Variants in LRIG1 observed in about 807,000 individuals in gnomAD.
The protein encoded by LRIG1 is leucine-rich repeats and immunoglobulin-like domains protein 1.
A neutral mutation model predicts 99.2 loss-of-function variants in LRIG1; 48 were observed. The ratio of observed to expected loss-of-function variants is 0.48; its 90% confidence interval spans 0.38 to 0.62. LRIG1 has a LOEUF of 0.62. Among genes scored for constraint, LRIG1 ranks in the 20% least tolerant of loss-of-function variants. LRIG1 has a pLI of 0.00. For missense variants in LRIG1, 1,646 were observed against 1,434.4 expected (o/e 1.15, Z -2.38); for synonymous variants, 772 against 596.1 (o/e 1.29, Z -4.30).
intron 3 of LRIG1, among the ~76,000 whole-genome samples, chr3:66,420,764 G>T (rs1009246787): frequency 3.0e-4 from 46 of 152,338 alleles, no homozygotes; most frequent in African/African-American, 1.1e-3. Flanking sequence ...AAAGTAGAAT[G>T]GTGGTGTCCA....
At chr3:66,461,413 A>C (rs1316038729) in intron 2 of LRIG1, among the ~76,000 whole-genome samples, 1 of 152,242 alleles carries the variant, frequency 6.6e-6, no homozygotes, top group Non-Finnish European at 1.5e-5. Context: ...AATAATAATG[A>C]AGTACTGGGT....
rs1195349889 is a variant in LRIG1 at position 66,379,080 on chromosome 3, G to GTAAC, written c.*1179_*1182dup. 1.3e-5 allele frequency: 2 copies of GTAAC among 152,610 alleles called. No individual in the cohort carries two copies. The highest frequency in any genetic ancestry group is 1.9e-4 in the East Asian group (1 of 5,186). 9.5% of individuals were successfully genotyped at this position (152,610 alleles called of 1,614,324 possible). On this transcript the variant is annotated 3_prime_UTR_variant, in exon 19 of 19. Transcript: ENST00000273261. ...ACAGTAATTGTTAACTATTTTCTCA[G>GTAAC]TAACTCCCTTCAGCTTTTGGCCAAA... is the stretch of plus-strand genomic sequence containing the variant.
At chr3:66,467,480 C>T (rs537420549) in intron 1 of LRIG1, among the ~76,000 whole-genome samples, 14 of 152,010 alleles carry the variant, frequency 9.2e-5, no homozygotes, top group African/African-American at 2.9e-4. Flanking sequence ...CTGCCTCAGC[C>T]TCCCCAGTAG....
intron 12 of LRIG1, among the ~76,000 whole-genome samples, 188 bp downstream of exon 12, chr3:66,393,852 C>T (rs1701721326): frequency 6.6e-6 from 1 of 152,208 alleles, no homozygotes; most frequent in African/African-American, 2.4e-5. Flanking sequence ...CCAAGAACCA[C>T]ATAATGAGGC....
At position 66,400,296 on chromosome 3, in the gene LRIG1, A is replaced by G. The variant is rs1198234193; in HGVS notation, c.1161-1255T>C. Among the ~76,000 whole-genome samples, 5 of 152,214 alleles carry G rather than the reference A, an allele frequency of 3.3e-5. No homozygotes were observed. The East Asian group carries it at 9.6e-4, about 29-fold the overall frequency. On this transcript the variant is annotated intron_variant, in intron 9 of 18. Coordinates refer to ENST00000273261, the MANE Select transcript of LRIG1 (RefSeq NM_015541.3). ...AGGGTGGACACTGGGAATGAAGAGA[A>G]TCGAGTTTTCCCCTCCCCGTTATCA...
chr3:66,384,070 T>C lies in LRIG1; in HGVS notation c.1992A>G (p.Ile664Met). ...TACAGCTGTAAACCCCTGCGTCATC[T>C]ATTTTCACATCAGTGATGAAAAACA... The part of the protein sequence containing the change: ...DDVFFITDVK[I>M]DDAGVYSCTA... The change falls in exon 14 of 19, where the codon ATA becomes ATG. Residue 664 changes from isoleucine (I) to methionine (M), a missense_variant. Physicochemically the swap from Ile to Met is conservative, Grantham distance 10. Coordinates refer to ENST00000273261, the MANE Select transcript of LRIG1 (RefSeq NM_015541.3). 1 of 1,614,170 alleles carries C rather than the reference T, an allele frequency of 6.2e-7. No individual in the cohort carries two copies. The highest frequency in any genetic ancestry group is 8.5e-7 in the Non-Finnish European group (1 of 1,180,046).
rs756867009 is a variant in LRIG1 at position 66,380,570 on chromosome 3, A to AAGTT, written c.3055+3_3055+6dup. The AAGTT allele has an allele frequency of 4.3e-6, 7 of 1,613,234 alleles. No individual in the cohort carries two copies. The highest frequency in any genetic ancestry group is 1.3e-5 in the African/African-American group (1 of 74,886). On this transcript the variant is annotated splice_region_variant and intron_variant, in intron 18 of 18. Coordinates refer to ENST00000273261, the MANE Select transcript of LRIG1 (RefSeq NM_015541.3). The stretch of plus-strand genomic sequence containing the variant: ...AACCCACCTGTTAGAAGACAGTCAA[A>AAGTT]AGTTACCTTTCCCATCTAGAGATGC...
intron 11 of LRIG1, among the ~76,000 whole-genome samples, chr3:66,395,850 A>C (rs9832741): frequency 0.044 from 6,659 of 152,336 alleles, 493 homozygotes; most frequent in African/African-American, 0.15. Flanking sequence ...CGCTGTCAGA[A>C]GCACCTCCAG....
chr3:66,475,128 G>A (rs535671848), intron 1 of LRIG1, among the ~76,000 whole-genome samples: 1 of 152,174 alleles, frequency 6.6e-6, no homozygotes, highest in African/African-American at 2.4e-5. Context: ...AAAACAGCTA[G>A]GACTTAGCCT....
intron 16 of LRIG1, 101 bp from the exon 17 acceptor site, chr3:66,381,732 T>TAAAA: frequency 1.5e-6 from 2 of 1,345,942 alleles, no homozygotes; most frequent in Non-Finnish European, 2.0e-6. Flanking sequence ...TCATTTTTTT[T>TAAAA]AAAAAGTTCT....
intron 3 of LRIG1, among the ~76,000 whole-genome samples, chr3:66,435,406 A>T (rs61585618): frequency 0.049 from 7,463 of 152,086 alleles, 525 homozygotes; most frequent in African/African-American, 0.16. Context: ...TAAAAACAAA[A>T]AACAAAAAAC....
intron 1 of LRIG1, chr3:66,498,015 T>C (rs748961147): frequency 1.3e-5 from 2 of 152,208 alleles, no homozygotes; most frequent in African/African-American, 2.4e-5. Flanking sequence ...ATGATTTAAA[T>C]TCAGAAGTCT....
Position 66,380,192 on chromosome 3 carries a change from G to C in LRIG1, c.*71C>G. The C allele has an allele frequency of 7.6e-7, 1 of 1,316,220 alleles. No homozygotes were observed. 81.5% of individuals were successfully genotyped at this position (1,316,220 alleles called of 1,614,324 possible). A position where few individuals can be genotyped will look rare whatever the true frequency, so the allele number is the denominator to read the frequency against. Reference sequence around the variant, plus strand: ...ACAGATGAGTGACGCTTGAACCCAAGCTTCCTCGCAGCCTCTCCTACCTCT... The same window carrying C: ...ACAGATGAGTGACGCTTGAACCCAACCTTCCTCGCAGCCTCTCCTACCTCT... On this transcript the variant is annotated 3_prime_UTR_variant, in exon 19 of 19. Coordinates refer to ENST00000273261, the MANE Select transcript of LRIG1 (RefSeq NM_015541.3).
intron 1 of LRIG1, among the ~76,000 whole-genome samples, chr3:66,471,709 A>G (rs1462708959): frequency 1.3e-5 from 2 of 152,232 alleles, no homozygotes; most frequent in East Asian, 1.9e-4. Flanking sequence ...TTGCTTCTGG[A>G]GTACTGAAAA....
At chr3:66,416,087 A>G (rs1004864241) in intron 4 of LRIG1, among the ~76,000 whole-genome samples, 21 of 152,176 alleles carry the variant, frequency 1.4e-4, no homozygotes, top group Non-Finnish European at 2.4e-4. Context: ...TATATCACCC[A>G]ATAGCTGCCA....
Position 66,384,007 on chromosome 3 carries a change from G to T in LRIG1, c.2055C>A (p.Ala685=). The change falls in exon 14 of 19, where the codon GCC becomes GCA. Residue 685 remains alanine, a synonymous_variant. Transcript: ENST00000273261. ...TAGGCAAACCTAGGACAGTCAGGGT[G>T]GCATTAGCTGAAATAGAACCGGCTG... ...QNSAGSISAN[A]TLTVLETPSL... The T allele has an allele frequency of 1.2e-6, 2 of 1,613,406 alleles. No homozygotes were observed. Among genetic ancestry groups the T allele is most frequent in the Non-Finnish European group, 1.7e-6 (2 of 1,179,594 alleles).
At chr3:66,423,645 T>C (rs1437640053) in intron 3 of LRIG1, among the ~76,000 whole-genome samples, 1 of 152,194 alleles carries the variant, frequency 6.6e-6, no homozygotes, top group Non-Finnish European at 1.5e-5. Context: ...TGATGATTCT[T>C]GTGTCTCCCA....
intron 1 of LRIG1, among the ~76,000 whole-genome samples, chr3:66,496,810 A>C (rs1701238229): frequency 6.6e-6 from 1 of 152,238 alleles, no homozygotes; most frequent in South Asian, 2.1e-4. Flanking sequence ...TAATTTGCAT[A>C]AACAGGATGG....
intron 3 of LRIG1, among the ~76,000 whole-genome samples, chr3:66,425,419 G>C (rs1023768891): frequency 7.9e-5 from 12 of 152,182 alleles, no homozygotes; most frequent in African/African-American, 2.9e-4. Context: ...CAGCAAATAA[G>C]GCAGATAAAG....
Sources: gnomAD v4.1 joint callset for allele counts (sites outside exome capture counted in the v4.1 genomes callset) on GRCh38, gnomAD v4.1.1 for gene constraint, MANE v1.5 for transcripts, NCBI Gene and HGNC (gene_info 2026-07-23, HGNC 2026-07-21) for gene names.